TENM3: variants seen among roughly 807,000 people sequenced by gnomAD.
TENM3 encodes teneurin transmembrane protein 3, also known as teneurin-3.
TENM3 carries 63 observed loss-of-function variants against 255.1 expected under a neutral mutation model. The ratio of observed to expected loss-of-function variants is 0.25; its 90% CI spans 0.20 to 0.30. The LOEUF is 0.30. Ranked by LOEUF, TENM3 falls within the 10% of genes least tolerant of loss-of-function variation. TENM3 has a pLI of 1.00. For synonymous variants in TENM3, 1,306 were observed against 1,322.3 expected (o/e 0.99, Z 0.27); for missense variants, 2,929 against 3,461.1 (o/e 0.85, Z 3.86).
intron 3 of TENM3, among the ~76,000 whole-genome samples, chr4:182,444,003 T>G (rs1772706529): frequency 6.6e-6 from 1 of 152,224 alleles, no homozygotes; most frequent in South Asian, 2.1e-4. Flanking sequence ...TCATTTATTA[T>G]TGTGAAATAA....
chr4:182,043,028 T>G, the TENM3 span, among the ~76,000 whole-genome samples: 1 of 151,990 alleles, frequency 6.6e-6, no homozygotes, highest in Admixed American at 6.6e-5. Flanking sequence ...GGTGTAATTT[T>G]GCGTAAAATA....
At chr4:182,043,650 T>C in the TENM3 span, among the ~76,000 whole-genome samples, 1 of 152,238 alleles carries the variant, frequency 6.6e-6, no homozygotes, top group Non-Finnish European at 1.5e-5. Flanking sequence ...GGATAAATTA[T>C]TATTGAAGTA....
At position 182,649,865 on chromosome 4, in the gene TENM3, G is replaced by A. The variant is rs1193120808; in HGVS notation, c.989-3906G>A. ...AGCCTGTGGCCCCCACACAAGCTGT[G>A]TTTCACTTCCTTCTCTATGGATTTT... On this transcript the variant is annotated intron_variant, in intron 5 of 27. Transcript: ENST00000511685. 3.3e-5 allele frequency among the ~76,000 whole-genome samples: 5 copies of A among 150,180 alleles called. No individual in the cohort carries two copies. The South Asian group carries it at 8.7e-4, about 26-fold the overall frequency.
chr4:182,624,390 T>C (rs1002396833), intron 4 of TENM3, among the ~76,000 whole-genome samples: 3 of 152,216 alleles, frequency 2.0e-5, no homozygotes, highest in Non-Finnish European at 4.4e-5. Flanking sequence ...TGCGTGTTTC[T>C]CTACACGCAG....
chr4:182,160,716 G>A (rs1374135841), intron 1 of TENM3, among the ~76,000 whole-genome samples: 2 of 152,156 alleles, frequency 1.3e-5, no homozygotes, highest in African/African-American at 2.4e-5. Context: ...TGGTCAAAGG[G>A]TACAGTTTCA....
the TENM3 span, among the ~76,000 whole-genome samples, chr4:181,997,118 T>C: frequency 6.6e-6 from 1 of 152,228 alleles, no homozygotes; most frequent in Non-Finnish European, 1.5e-5. Flanking sequence ...ACACTTACTA[T>C]GCACATCAGC....
chr4:181,727,010 C>G, the TENM3 span, among the ~76,000 whole-genome samples: 3 of 152,106 alleles, frequency 2.0e-5, no homozygotes, highest in African/African-American at 7.2e-5. Context: ...GAGAGGTATG[C>G]GGGGAGGGAC....
chr4:181,606,186 C>T, the TENM3 span, among the ~76,000 whole-genome samples: 1 of 152,204 alleles, frequency 6.6e-6, no homozygotes, highest in Non-Finnish European at 1.5e-5. Flanking sequence ...CCAGAGTCCC[C>T]TAAGCAGACA....
At chr4:181,891,275 G>C in the TENM3 span, among the ~76,000 whole-genome samples, 1 of 152,154 alleles carries the variant, frequency 6.6e-6, no homozygotes, top group Non-Finnish European at 1.5e-5. Flanking sequence ...GGAGGAAAAT[G>C]CATCTAAAAC....
the TENM3 span, among the ~76,000 whole-genome samples, chr4:182,075,268 C>G: frequency 1.4e-5 from 2 of 143,246 alleles, no homozygotes; most frequent in East Asian, 4.0e-4. Context: ...ATGCAGTCTC[C>G]GCTCACTGCA....
chr4:182,526,080 C>T (rs1029191102), intron 3 of TENM3, among the ~76,000 whole-genome samples: 4 of 152,078 alleles, frequency 2.6e-5, no homozygotes, highest in African/African-American at 9.7e-5. Flanking sequence ...CGCAGGTTCA[C>T]GCCGTTCTCC....
the TENM3 span, among the ~76,000 whole-genome samples, chr4:181,492,811 C>A: frequency 6.6e-6 from 1 of 152,122 alleles, no homozygotes; most frequent in African/African-American, 2.4e-5. Context: ...AACTTTAGTT[C>A]TCTTGAAATT....
Position 182,366,232 on chromosome 4 carries a change from A to G in TENM3, c.511+19303A>G, listed in dbSNP as rs117019202. Among the ~76,000 whole-genome samples, 1,343 of 152,160 alleles carry G rather than the reference A, an allele frequency of 8.8e-3. 16 individuals carry two copies. Among genetic ancestry groups the G allele is most frequent in the East Asian group, 0.067 (346 of 5,186 alleles). ...TTTGTTTAAGGTATTTTTGATATAA[A>G]GGATTTTTTTTACAAACTTTAAAAT... On this transcript the variant is annotated intron_variant, in intron 3 of 27. Coordinates refer to ENST00000511685, the MANE Select transcript of TENM3 (RefSeq NM_001080477.4).
chr4:181,910,617 C>CGTGT, the TENM3 span, among the ~76,000 whole-genome samples: 22 of 143,056 alleles, frequency 1.5e-4, no homozygotes, highest in African/African-American at 4.4e-4. Flanking sequence ...TATAAATACA[C>CGTGT]GTGTGTGTGT....
the TENM3 span, among the ~76,000 whole-genome samples, chr4:181,881,330 G>C: frequency 0.83 from 125,607 of 152,044 alleles, 52,419 homozygotes; most frequent in Middle Eastern, 0.88. Context: ...AAGAGACTCA[G>C]TGAAAGTAAT....
At chr4:182,279,373 C>T (rs1428062397) in intron 1 of TENM3, among the ~76,000 whole-genome samples, 1 of 151,888 alleles carries the variant, frequency 6.6e-6, no homozygotes, top group East Asian at 1.9e-4. Flanking sequence ...TATAAAATGT[C>T]GATCAGTACT....
the TENM3 span, among the ~76,000 whole-genome samples, chr4:181,463,529 T>A: frequency 1.3e-5 from 2 of 152,246 alleles, no homozygotes; most frequent in African/African-American, 4.8e-5. Flanking sequence ...ATTTAAGAAC[T>A]ATATTTAAAA....
the TENM3 span, among the ~76,000 whole-genome samples, chr4:181,628,656 T>C: frequency 6.6e-6 from 1 of 152,188 alleles, no homozygotes; most frequent in African/African-American, 2.4e-5. Flanking sequence ...ATGTGTGGTA[T>C]TATTTCTGAG....
chr4:182,440,865 T>C (rs1772426003), intron 3 of TENM3, among the ~76,000 whole-genome samples: 1 of 151,628 alleles, frequency 6.6e-6, no homozygotes, highest in Non-Finnish European at 1.5e-5. Context: ...GGGATACATG[T>C]GAAGGTTTGT....
Sources: allele counts gnomAD v4.1 joint callset (sites outside exome capture counted in the v4.1 genomes callset), GRCh38; gene constraint gnomAD v4.1.1; transcripts MANE v1.5; gene names NCBI Gene and HGNC (gene_info 2026-07-23, HGNC 2026-07-21).